Variants in ACP3 observed in about 807,000 individuals in gnomAD.
ACP3 encodes the protein acid phosphatase 3.
In ACP3, 38 loss-of-function variants were observed where a neutral mutation model predicts 45.6. The observed-to-expected ratio is 0.83, with a 90% CI of 0.64 to 1.09. The LOEUF is 1.09. Among genes scored for constraint, ACP3 ranks in the 50% least tolerant of loss-of-function variants. The pLI is 0.00. For missense variants in ACP3, 466 were observed against 463.2 expected (o/e 1.01, Z -0.05); for synonymous variants, 162 against 164.7 (o/e 0.98, Z 0.13).
intron 5 of ACP3, among the ~76,000 whole-genome samples, chr3:132,341,587 T>G (rs537208166): frequency 2.0e-4 from 31 of 152,358 alleles, no homozygotes; most frequent in African/African-American, 6.5e-4. Context: ...GGGGGCAATC[T>G]TTGTCAGTAT....
downstream of ACP3, among the ~76,000 whole-genome samples, chr3:132,360,867 G>T (rs542185030): frequency 6.6e-6 from 1 of 152,314 alleles, no homozygotes; most frequent in South Asian, 2.1e-4. Context: ...TGAGTGTTCA[G>T]CCAGTAGACA....
At position 132,357,640 on chromosome 3, in the gene ACP3, T is replaced by C. The variant is rs1937938725; in HGVS notation, c.*762T>C. The C allele has an allele frequency of 3.0e-6, 3 of 985,006 alleles. No individual in the cohort carries two copies. The African/African-American group carries it at 5.2e-5, about 17-fold the overall frequency. The allele number at this position is 985,006 out of a possible 1,614,324, so 61.0% of individuals were successfully genotyped here. ...TATATATATCATAGCAAATAAGTCATCTGATGAGAACAAGCTATTTGGGCA... is the reference window on the plus strand; with the variant it reads ...TATATATATCATAGCAAATAAGTCACCTGATGAGAACAAGCTATTTGGGCA... On this transcript the variant is annotated 3_prime_UTR_variant, in exon 10 of 10. Transcript: ENST00000336375.
intron 10 of ACP3, among the ~76,000 whole-genome samples, chr3:132,364,253 TGGGA>T (rs1341747677): frequency 2.0e-5 from 3 of 152,064 alleles, no homozygotes; most frequent in African/African-American, 7.2e-5. Flanking sequence ...GAGGCTGAGG[TGGGA>T]GGATCACCCG....
rs780691182 is a variant in ACP3, at chr3:132,342,630, C to A, written c.634C>A (p.Pro212Thr). ...TGGAATTTGGAGTAAAGTCTACGAC[C>A]CTTTATATTGTGAGGTAAAAGAAAA... ...LFGIWSKVYD[P>T]LYCESVHNFT... The change falls in exon 6 of 10, where the codon CCT becomes ACT. Residue 212 changes from proline to threonine, a missense_variant. Transcript: ENST00000336375. 1.2e-6 allele frequency: 2 copies of A among 1,600,308 alleles called. No individual in the cohort carries two copies. The highest frequency in any genetic ancestry group is 1.7e-6 in the Non-Finnish European group (2 of 1,174,954).
At chr3:132,333,333 T>C in intron 4 of ACP3, 1 of 152,630 alleles carries the variant, frequency 6.6e-6, no homozygotes, top group East Asian at 1.9e-4. Context: ...TAACTAATCT[T>C]CCAGGTGTGA....
rs141510323 is a variant in ACP3, at chr3:132,355,068, C to T, written c.969-1618C>T. ...TGTACATTAATAGATGTGATTCACA[C>T]GTGGTGATTCAGGCACCCAGGGTTC... On this transcript the variant is annotated intron_variant, in intron 9 of 9. Transcript: ENST00000336375. 2.2e-4 allele frequency among the ~76,000 whole-genome samples: 34 copies of T among 152,312 alleles called. 1 individual carries two copies. In the East Asian group the frequency reaches 6.0e-3, roughly 27 times the overall value.
chr3:132,351,141 T>C (rs1237524348), intron 8 of ACP3, among the ~76,000 whole-genome samples: 1 of 152,006 alleles, frequency 6.6e-6, no homozygotes, highest in Non-Finnish European at 1.5e-5. Context: ...GGGTTTGAAA[T>C]GCCACAGGGG....
intron 10 of ACP3, among the ~76,000 whole-genome samples, chr3:132,367,443 G>C (rs1025435114): frequency 6.6e-6 from 1 of 152,192 alleles, no homozygotes; most frequent in Non-Finnish European, 1.5e-5. Flanking sequence ...AGAGGACTTA[G>C]AAATACTTCA....
At chr3:132,352,882 T>A in intron 9 of ACP3, 59 bp downstream of exon 9, 1 of 1,273,944 alleles carries the variant, frequency 7.8e-7, no homozygotes, top group Non-Finnish European at 1.1e-6. Flanking sequence ...TCATTATTAT[T>A]ATTTTGGGTT....
chr3:132,318,103 T>C (rs1339505622), intron 1 of ACP3, among the ~76,000 whole-genome samples: 1 of 152,240 alleles, frequency 6.6e-6, no homozygotes, highest in African/African-American at 2.4e-5. Flanking sequence ...ATAGATTTAG[T>C]TGACGATTAA....
Position 132,357,155 on chromosome 3 carries a change from AG to A in ACP3, c.*278del. Reference sequence around the variant, plus strand: ...TAATCAGAGATAAAGCTTAGGTCAAAGTTCATAGAGTTCCCATGAACTATAT... The same window carrying A: ...TAATCAGAGATAAAGCTTAGGTCAAATTCATAGAGTTCCCATGAACTATAT... On this transcript the variant is annotated 3_prime_UTR_variant, in exon 10 of 10. Transcript: ENST00000336375. 3 of 1,121,164 alleles carry A rather than the reference AG, an allele frequency of 2.7e-6. No homozygotes were observed. The highest frequency in any genetic ancestry group is 3.3e-6 in the Non-Finnish European group (3 of 914,124). 69.5% of individuals were successfully genotyped at this position (1,121,164 alleles called of 1,614,324 possible). A position where few individuals can be genotyped will look rare whatever the true frequency, so the allele number is the denominator to read the frequency against.
At chr3:132,322,409 A>G (rs1937223622) in intron 1 of ACP3, among the ~76,000 whole-genome samples, 1 of 152,194 alleles carries the variant, frequency 6.6e-6, no homozygotes, top group Non-Finnish European at 1.5e-5. Context: ...AAACTATTTT[A>G]TTTTTAATTT....
chr3:132,353,992 A>T (rs1022239079), intron 9 of ACP3, among the ~76,000 whole-genome samples: 2 of 152,212 alleles, frequency 1.3e-5, no homozygotes, highest in African/African-American at 4.8e-5. Context: ...CTAGAACTAA[A>T]ATGTGGTCTT....
Position 132,357,381 on chromosome 3 carries a change from T to C in ACP3, c.*503T>C. Reference sequence around the variant, plus strand: ...TTTACCCATCAGTTCCAGCCTTCTCTCAAGGAGAGGCAAAGAAAGGAGATA... The same window carrying C: ...TTTACCCATCAGTTCCAGCCTTCTCCCAAGGAGAGGCAAAGAAAGGAGATA... On this transcript the variant is annotated 3_prime_UTR_variant, in exon 10 of 10. Coordinates refer to ENST00000336375, the MANE Select transcript of ACP3 (RefSeq NM_001099.5). 5.1e-6 allele frequency: 5 copies of C among 985,376 alleles called. No homozygotes were observed. Among genetic ancestry groups the C allele is most frequent in the Non-Finnish European group, 6.0e-6 (5 of 829,938 alleles). 61.0% of individuals were successfully genotyped at this position (985,376 alleles called of 1,614,324 possible). A position where few individuals can be genotyped will look rare whatever the true frequency, so the allele number is the denominator to read the frequency against.
Position 132,356,956 on chromosome 3 carries a change from T to G in ACP3, c.*78T>G. ...ATGCTTTGAGAACATACTTTGGCCA[T>G]TACCCCCAGCTTTGAGGAAAATGGG... On this transcript the variant is annotated 3_prime_UTR_variant, in exon 10 of 10. Transcript: ENST00000336375. 1.1e-5 allele frequency: 17 copies of G among 1,491,928 alleles called. No homozygotes were observed. Among genetic ancestry groups the G allele is most frequent in the East Asian group, 2.4e-5 (1 of 41,102 alleles). 92.4% of individuals were successfully genotyped at this position (1,491,928 alleles called of 1,614,324 possible).
rs1480196756 is a variant in ACP3, at chr3:132,358,346, C to T, written c.*1468C>T. The T allele has an allele frequency of 4.4e-6, 5 of 1,143,730 alleles. No homozygotes were observed. Among genetic ancestry groups the T allele is most frequent in the East Asian group, 1.4e-4 (2 of 14,292 alleles). 70.8% of individuals were successfully genotyped at this position (1,143,730 alleles called of 1,614,324 possible). A position where few individuals can be genotyped will look rare whatever the true frequency, so the allele number is the denominator to read the frequency against. The stretch of plus-strand genomic sequence containing the variant: ...ATGTTGAGAGTGTGGTTACGAAATA[C>T]GTTAGGAGGACAAAAGGAATGTGTA... On this transcript the variant is annotated 3_prime_UTR_variant, in exon 10 of 10. Coordinates refer to ENST00000336375, the MANE Select transcript of ACP3 (RefSeq NM_001099.5).
intron 8 of ACP3, 31 bp from the exon 9 acceptor site, chr3:132,352,689 C>T (rs1453224142): frequency 2.7e-6 from 4 of 1,483,098 alleles, no homozygotes; most frequent in Non-Finnish European, 1.9e-6. Context: ...TGAATCTGAA[C>T]AGGCGATAAA....
chr3:132,337,011 CTT>C (rs1348279649), intron 4 of ACP3, among the ~76,000 whole-genome samples: 1 of 151,858 alleles, frequency 6.6e-6, no homozygotes, highest in Non-Finnish European at 1.5e-5. Context: ...GGTTAATTGA[CTT>C]AAGATTTTTT....
chr3:132,364,821 G>A (rs1478083471), intron 10 of ACP3, among the ~76,000 whole-genome samples: 1 of 152,176 alleles, frequency 6.6e-6, no homozygotes, highest in Admixed American at 6.5e-5. Flanking sequence ...TGACAACACA[G>A]CCCATAAAAA....
Sources: allele counts gnomAD v4.1 joint callset (sites outside exome capture counted in the v4.1 genomes callset), GRCh38; gene constraint gnomAD v4.1.1; transcripts MANE v1.5; gene names NCBI Gene and HGNC (gene_info 2026-07-23, HGNC 2026-07-21).